ARHGAP6: variants seen among roughly 807,000 people sequenced by gnomAD.
ARHGAP6 encodes the protein Rho GTPase activating protein 6.
In ARHGAP6, 16 loss-of-function variants were observed where a neutral mutation model predicts 55.7. That is an observed-to-expected ratio of 0.29 (90% CI 0.19 to 0.44). The LOEUF (loss-of-function observed/expected upper bound fraction) is 0.44. Among genes scored for constraint, ARHGAP6 ranks in the 20% least tolerant of loss-of-function variants. ARHGAP6 has a pLI of 1.00. For synonymous variants in ARHGAP6, 382 were observed against 360.9 expected, an observed-to-expected ratio of 1.06 and a Z score of -0.66; for missense variants, 698 against 808.9, an observed-to-expected ratio of 0.86 and a Z score of 1.66.
chrX:11,393,614 A>C (rs1346144910), intron 1 of ARHGAP6, among the ~76,000 whole-genome samples: 2 of 111,813 alleles, frequency 1.8e-5, no homozygotes, highest in Non-Finnish European at 3.8e-5. Flanking sequence ...TGTTGTACTA[A>C]GCACTGTGTT....
chrX:11,406,716 C>T (rs984762992), intron 1 of ARHGAP6, among the ~76,000 whole-genome samples: 2 of 111,604 alleles, frequency 1.8e-5, no homozygotes, highest in African/African-American at 3.3e-5. Flanking sequence ...CAGTGTCCAG[C>T]GAAAGGCCAG....
chrX:11,441,761 G>A (rs756097601), intron 1 of ARHGAP6, among the ~76,000 whole-genome samples: 56 of 110,781 alleles, frequency 5.1e-4, no homozygotes, highest in Non-Finnish European at 8.5e-4. Context: ...TTTAAAAAAT[G>A]ATCCTTTTAG....
chrX:11,539,754 T>C (rs1799782148), intron 1 of ARHGAP6, among the ~76,000 whole-genome samples: 2 of 111,764 alleles, frequency 1.8e-5, no homozygotes, highest in African/African-American at 6.5e-5. Flanking sequence ...GAAAAAGGAA[T>C]GTGACTTTAT....
chrX:11,478,147 T>C (rs1376945726), intron 1 of ARHGAP6, among the ~76,000 whole-genome samples: 2 of 112,012 alleles, frequency 1.8e-5, no homozygotes, highest in Non-Finnish European at 1.9e-5. Flanking sequence ...CAGTTAAAGT[T>C]AAATAAACAG....
At chrX:11,349,407 G>T (rs1363613900) in intron 1 of ARHGAP6, among the ~76,000 whole-genome samples, 1 of 110,524 alleles carries the variant, frequency 9.0e-6, no homozygotes, top group Admixed American at 9.6e-5. Context: ...CCATCCTTTG[G>T]CCCTCTAGAA....
chrX:11,603,822 G>T (rs1201650136), intron 1 of ARHGAP6, among the ~76,000 whole-genome samples: 3 of 111,879 alleles, frequency 2.7e-5, no homozygotes, highest in Admixed American at 9.5e-5. Context: ...GATTTAACAA[G>T]ATAAAAGAGT....
chrX:11,348,291 G>A lies in ARHGAP6; in HGVS notation c.589-93584C>T, dbSNP rs141854973. Reference sequence around the variant, plus strand: ...AAGATACAGTGGTTTTGGTTCGTAGGTCAGCTCAAGTAGTCTCATTTAACC... The same window carrying A: ...AAGATACAGTGGTTTTGGTTCGTAGATCAGCTCAAGTAGTCTCATTTAACC... On this transcript the variant is annotated intron_variant, in intron 1 of 12. Transcript: ENST00000337414. Among the ~76,000 whole-genome samples the A allele has an allele frequency of 5.4e-3, 603 of 112,449 alleles. 1 individual carries two copies. The highest frequency in any genetic ancestry group is 7.4e-3 in the Non-Finnish European group (395 of 53,272).
chrX:11,553,672 A>G (rs764885091), intron 1 of ARHGAP6, among the ~76,000 whole-genome samples: 4 of 112,396 alleles, frequency 3.6e-5, no homozygotes, highest in African/African-American at 1.3e-4. Context: ...TAAAGCGATA[A>G]TGGCTTCCAA....
chrX:11,350,871 C>CA (rs34188190), intron 1 of ARHGAP6, among the ~76,000 whole-genome samples: 4,368 of 110,062 alleles, frequency 0.04, 168 homozygotes, highest in African/African-American at 0.12. Context: ...AAAGAGCTCC[C>CA]GGGGGAAAAA....
At chrX:11,174,639 C>CTCTTTCT (rs1200136604) in intron 8 of ARHGAP6, among the ~76,000 whole-genome samples, 89 of 62,256 alleles carry the variant, frequency 1.4e-3, no homozygotes, top group South Asian at 2.7e-3. Context: ...TTCTTTCTTT[C>CTCTTTCT]TTTCTTTCTT....
At chrX:11,504,545 A>G (rs2050713799) in intron 1 of ARHGAP6, among the ~76,000 whole-genome samples, 1 of 112,001 alleles carries the variant, frequency 8.9e-6, no homozygotes, top group Admixed American at 9.5e-5. Context: ...ACCCTTTTAA[A>G]CCCTCATATC....
At chrX:11,603,824 TAA>T (rs1197199765) in intron 1 of ARHGAP6, among the ~76,000 whole-genome samples, 1 of 111,971 alleles carries the variant, frequency 8.9e-6, no homozygotes, top group African/African-American at 3.2e-5. Flanking sequence ...TTTAACAAGA[TAA>T]AAGAGTATAA....
chrX:11,410,510 C>A (rs1285091504), intron 1 of ARHGAP6, among the ~76,000 whole-genome samples: 1 of 112,080 alleles, frequency 8.9e-6, no homozygotes, highest in African/African-American at 3.2e-5. Context: ...CTGCCAGTGG[C>A]ATGGAGTTTC....
intron 1 of ARHGAP6, among the ~76,000 whole-genome samples, chrX:11,659,831 G>T (rs1428325664): frequency 1.8e-5 from 2 of 112,147 alleles, no homozygotes; most frequent in Non-Finnish European, 3.8e-5. Flanking sequence ...ACACCTTGAA[G>T]TTAGCCCAGT....
chrX:11,487,155 ATACATATGTAGATGTATG>A (rs753185243), intron 1 of ARHGAP6, among the ~76,000 whole-genome samples: 51 of 112,611 alleles, frequency 4.5e-4, no homozygotes, highest in African/African-American at 1.6e-3. Context: ...ACAGAAGTAA[ATACATATGTAGATGTATG>A]TACATATATG....
chrX:11,438,422 A>T (rs1163742163), intron 1 of ARHGAP6, among the ~76,000 whole-genome samples: 1 of 112,653 alleles, frequency 8.9e-6, no homozygotes, highest in Non-Finnish European at 1.9e-5. Context: ...TTAGTTGATT[A>T]ACACTTTTTT....
At chrX:11,340,306 A>G (rs914345197) in intron 1 of ARHGAP6, among the ~76,000 whole-genome samples, 1 of 111,838 alleles carries the variant, frequency 8.9e-6, no homozygotes, top group Non-Finnish European at 1.9e-5. Context: ...TCTTTTGTAC[A>G]TACTGTTCCC....
intron 1 of ARHGAP6, among the ~76,000 whole-genome samples, chrX:11,321,475 G>A (rs1188438481): frequency 4.5e-5 from 5 of 111,819 alleles, no homozygotes; most frequent in African/African-American, 1.6e-4. Flanking sequence ...CTACTCACAA[G>A]TAACTTCTCA....
At chrX:11,405,240 A>G (rs746225919) in intron 1 of ARHGAP6, among the ~76,000 whole-genome samples, 2 of 111,672 alleles carry the variant, frequency 1.8e-5, no homozygotes, top group South Asian at 7.6e-4. Context: ...GCCCACCTTG[A>G]GGTCCCAGGT....
Sources: gnomAD v4.1 joint callset for allele counts (sites outside exome capture counted in the v4.1 genomes callset) on GRCh38, gnomAD v4.1.1 for gene constraint, MANE v1.5 for transcripts, NCBI Gene and HGNC (gene_info 2026-07-23, HGNC 2026-07-21) for gene names.